Variants in PRKCB observed in about 807,000 individuals in gnomAD.
The protein encoded by PRKCB is protein kinase C beta, also known as protein kinase C beta type.
PRKCB carries 13 observed loss-of-function variants against 81.5 expected under a neutral mutation model. The ratio of observed to expected loss-of-function variants is 0.16; its 90% CI spans 0.10 to 0.25. The LOEUF is 0.25. Ranked by LOEUF, PRKCB falls within the 10% of genes least tolerant of loss-of-function variation. PRKCB has a pLI of 1.00. For synonymous variants in PRKCB, 335 were observed against 321.4 expected, an observed-to-expected ratio of 1.04 and a Z score of -0.45; for missense variants, 509 against 875.7, an observed-to-expected ratio of 0.58 and a Z score of 5.29.
chr16:24,107,089 C>G (rs1236823947), intron 7 of PRKCB, among the ~76,000 whole-genome samples: 1 of 152,152 alleles, frequency 6.6e-6, no homozygotes, highest in East Asian at 1.9e-4. Flanking sequence ...TCTGAATTAT[C>G]CATGCTGTGT....
At chr16:23,992,360 T>A (rs570314992) in intron 3 of PRKCB, among the ~76,000 whole-genome samples, 2 of 152,258 alleles carry the variant, frequency 1.3e-5, no homozygotes, top group East Asian at 3.9e-4. Context: ...CTGATTAGAT[T>A]TAAGAATGCT....
At position 24,217,736 on chromosome 16, in the gene PRKCB, G is replaced by A. The variant is rs910794962; in HGVS notation, c.*2920G>A. 1.0e-6 allele frequency: 1 copy of A among 985,340 alleles called. No individual in the cohort carries two copies. Among genetic ancestry groups the A allele is most frequent in the African/African-American group, 1.7e-5 (1 of 57,228 alleles). 61.0% of individuals were successfully genotyped at this position (985,340 alleles called of 1,614,324 possible). On this transcript the variant is annotated 3_prime_UTR_variant, in exon 17 of 17. Coordinates refer to ENST00000643927, the MANE Select transcript of PRKCB (RefSeq NM_002738.7). ...GATAAGAGGCCCACAGGCAGGGAAAGCGAAATAGGGTTGATGAGACCAGGG... is the reference window on the plus strand; with the variant it reads ...GATAAGAGGCCCACAGGCAGGGAAAACGAAATAGGGTTGATGAGACCAGGG...
At chr16:23,891,159 C>T (rs926376674) in intron 2 of PRKCB, among the ~76,000 whole-genome samples, 1 of 151,894 alleles carries the variant, frequency 6.6e-6, no homozygotes, top group Non-Finnish European at 1.5e-5. Context: ...AACTCAGCCT[C>T]CCTAGTAGCT....
At position 24,092,771 on chromosome 16, in the gene PRKCB, A is replaced by C. The variant is rs767494458; in HGVS notation, c.530-20A>C. 2 of 1,610,654 alleles carry C rather than the reference A, an allele frequency of 1.2e-6. No homozygotes were observed. Among genetic ancestry groups the C allele is most frequent in the South Asian group, 1.1e-5 (1 of 90,712 alleles). ...ACATGTTGGACAGTATTAATGCAAAAACTGCTTTTTCTTTTTCAGTAAGAG... is the reference window on the plus strand; with the variant it reads ...ACATGTTGGACAGTATTAATGCAAACACTGCTTTTTCTTTTTCAGTAAGAG... On this transcript the variant is annotated intron_variant, in intron 5 of 16. Coordinates refer to ENST00000643927, the MANE Select transcript of PRKCB (RefSeq NM_002738.7).
At chr16:24,117,192 C>G (rs1365784888) in intron 8 of PRKCB, among the ~76,000 whole-genome samples, 1 of 152,118 alleles carries the variant, frequency 6.6e-6, no homozygotes. Flanking sequence ...CCCGGAATGA[C>G]TCAGAAATTA....
At position 24,214,625 on chromosome 16, in the gene PRKCB, CCCA is replaced by C. The variant is rs772198852; in HGVS notation, c.1864-28_1864-26del. 3.2e-6 allele frequency: 5 copies of C among 1,572,496 alleles called. No individual in the cohort carries two copies. The African/African-American group carries it at 5.5e-5, about 17-fold the overall frequency. ...GCTTTTGTTTTTGTTTTTTTTCCCACCCACCACAAGTTCTTTTCTTCCCCTCTC... is the reference window on the plus strand; with the variant it reads ...GCTTTTGTTTTTGTTTTTTTTCCCACCCACAAGTTCTTTTCTTCCCCTCTC... On this transcript the variant is annotated intron_variant, in intron 16 of 16. Transcript: ENST00000643927.
At chr16:24,070,491 A>G (rs1966094099) in intron 5 of PRKCB, among the ~76,000 whole-genome samples, 2 of 152,218 alleles carry the variant, frequency 1.3e-5, no homozygotes, top group African/African-American at 4.8e-5. Context: ...TCATTTATTA[A>G]GTATATATGA....
intron 3 of PRKCB, among the ~76,000 whole-genome samples, chr16:24,015,180 A>T (rs1455279688): frequency 6.6e-6 from 1 of 152,158 alleles, no homozygotes; most frequent in African/African-American, 2.4e-5. Context: ...CTGGGAGGTC[A>T]TTGAGTTGGG....
intron 2 of PRKCB, among the ~76,000 whole-genome samples, chr16:23,922,977 C>T (rs535231971): frequency 2.0e-5 from 3 of 152,156 alleles, no homozygotes; most frequent in African/African-American, 2.4e-5. Flanking sequence ...TTTAGAGTTA[C>T]CTTTTTTTCC....
intron 3 of PRKCB, among the ~76,000 whole-genome samples, chr16:24,000,925 C>A (rs115183810): frequency 1.0e-3 from 152 of 152,104 alleles, no homozygotes; most frequent in African/African-American, 3.6e-3. Flanking sequence ...GGGAAAATAA[C>A]TTTAAGTTCT....
intron 2 of PRKCB, among the ~76,000 whole-genome samples, chr16:23,916,112 G>A (rs1163711574): frequency 2.0e-5 from 3 of 151,968 alleles, no homozygotes; most frequent in Non-Finnish European, 2.9e-5. Flanking sequence ...GGAGTGCAGT[G>A]GGGTGATCAC....
intron 5 of PRKCB, among the ~76,000 whole-genome samples, chr16:24,049,858 C>T (rs1386722569): frequency 1.3e-5 from 2 of 152,188 alleles, no homozygotes; most frequent in African/African-American, 4.8e-5. Context: ...CTGTGTATCG[C>T]TCAGGGAATC....
intron 5 of PRKCB, among the ~76,000 whole-genome samples, chr16:24,063,670 AC>A (rs1400525211): frequency 1.3e-5 from 2 of 152,028 alleles, no homozygotes; most frequent in African/African-American, 4.8e-5. Context: ...CGCTTAGGGA[AC>A]CCAGTATCAT....
chr16:23,968,118 T>G (rs1201801786), intron 2 of PRKCB, among the ~76,000 whole-genome samples: 1 of 152,168 alleles, frequency 6.6e-6, no homozygotes, highest in Non-Finnish European at 1.5e-5. Context: ...GTCTTTGAGT[T>G]TGTGCCTTCT....
intron 2 of PRKCB, among the ~76,000 whole-genome samples, chr16:23,983,432 A>C (rs1964763716): frequency 6.6e-6 from 1 of 152,092 alleles, no homozygotes; most frequent in South Asian, 2.1e-4. Flanking sequence ...TCTGTGGGTA[A>C]TTGGAAGCCT....
intron 9 of PRKCB, among the ~76,000 whole-genome samples, chr16:24,140,646 G>A (rs769491891): frequency 2.0e-5 from 3 of 152,108 alleles, no homozygotes; most frequent in African/African-American, 7.2e-5. Context: ...GGTTCACGTC[G>A]GGGCTGTCCA....
chr16:24,071,470 A>G (rs943754583), intron 5 of PRKCB, among the ~76,000 whole-genome samples: 18 of 149,792 alleles, frequency 1.2e-4, no homozygotes, highest in Non-Finnish European at 2.1e-4. Flanking sequence ...AAAGACAAAC[A>G]GGACTGGGGA....
intron 2 of PRKCB, among the ~76,000 whole-genome samples, chr16:23,892,116 C>T (rs1179873159): frequency 6.6e-6 from 1 of 152,150 alleles, no homozygotes; most frequent in East Asian, 1.9e-4. Flanking sequence ...GGCACGATTC[C>T]CTTGGTCTCA....
intron 10 of PRKCB, among the ~76,000 whole-genome samples, chr16:24,159,409 A>G (rs905557154): frequency 6.6e-6 from 1 of 152,214 alleles, no homozygotes; most frequent in East Asian, 1.9e-4. Flanking sequence ...TACAAACAAG[A>G]ACAAAAAGCA....
Sources: allele counts gnomAD v4.1 joint callset (sites outside exome capture counted in the v4.1 genomes callset), GRCh38; gene constraint gnomAD v4.1.1; transcripts MANE v1.5; gene names NCBI Gene and HGNC (gene_info 2026-07-23, HGNC 2026-07-21).